The following EYA1 variants were observed in gnomAD, a reference collection of about 807,000 sequenced individuals.
The protein encoded by EYA1 is protein phosphatase EYA1.
A neutral mutation model predicts 82.0 loss-of-function variants in EYA1; 16 were observed. That is an observed-to-expected ratio of 0.20 (90% CI 0.13 to 0.30). The LOEUF (loss-of-function observed/expected upper bound fraction) is 0.30. Among genes scored for constraint, EYA1 ranks in the 10% least tolerant of loss-of-function variants. The pLI is 1.00. For synonymous variants in EYA1, 261 were observed against 264.4 expected (o/e 0.99, Z 0.12); for missense variants, 633 against 730.7 (o/e 0.87, Z 1.54).
At chr8:71,451,734 C>T (rs1807394484) in intron 2 of EYA1, among the ~76,000 whole-genome samples, 1 of 152,088 alleles carries the variant, frequency 6.6e-6, no homozygotes, top group African/African-American at 2.4e-5. Context: ...AATTTTTAGT[C>T]TTCCAATATC....
At chr8:71,368,911 G>A (rs575729194) in intron 2 of EYA1, among the ~76,000 whole-genome samples, 5 of 151,822 alleles carry the variant, frequency 3.3e-5, no homozygotes, top group East Asian at 1.9e-4. Flanking sequence ...TCTTAAGGCC[G>A]GGCGCGGTGG....
At chr8:71,226,564 G>T (rs1810580414) in intron 12 of EYA1, among the ~76,000 whole-genome samples, 1 of 150,544 alleles carries the variant, frequency 6.6e-6, no homozygotes, top group African/African-American at 2.4e-5. Context: ...AGAAAGAATT[G>T]AAAATAAACT....
chr8:71,365,332 C>T (rs1018934858), upstream of EYA1, among the ~76,000 whole-genome samples: 2 of 151,922 alleles, frequency 1.3e-5, no homozygotes, highest in Admixed American at 6.6e-5. Context: ...TTTGAAATAA[C>T]GTTAGAAGCA....
At chr8:71,327,289 C>A (rs1050881942) in intron 4 of EYA1, among the ~76,000 whole-genome samples, 1 of 152,138 alleles carries the variant, frequency 6.6e-6, no homozygotes, top group African/African-American at 2.4e-5. Flanking sequence ...GAAGGGTATA[C>A]CTTTTATGAA....
chr8:71,519,111 A>G (rs1419949878), intron 2 of EYA1, among the ~76,000 whole-genome samples: 1 of 152,178 alleles, frequency 6.6e-6, no homozygotes, highest in African/African-American at 2.4e-5. Flanking sequence ...ATGACAATGA[A>G]TATTAACGTA....
chr8:71,345,815 G>A (rs1161745239), intron 3 of EYA1, among the ~76,000 whole-genome samples: 1 of 152,078 alleles, frequency 6.6e-6, no homozygotes, highest in Non-Finnish European at 1.5e-5. Context: ...CTCCCTAAGT[G>A]CATTTCTAAA....
intron 11 of EYA1, among the ~76,000 whole-genome samples, chr8:71,266,039 G>A (rs1815759120): frequency 6.6e-6 from 1 of 152,160 alleles, no homozygotes; most frequent in Admixed American, 6.5e-5. Context: ...GCTGTAACAT[G>A]CCCTAATTTT....
At chr8:71,469,272 T>C (rs1431588718) in intron 2 of EYA1, among the ~76,000 whole-genome samples, 2 of 152,078 alleles carry the variant, frequency 1.3e-5, no homozygotes, top group East Asian at 1.9e-4. Flanking sequence ...TTTTATTCAG[T>C]TGGAGAAATG....
At chr8:71,233,155 T>C (rs1811396671) in intron 12 of EYA1, among the ~76,000 whole-genome samples, 1 of 152,228 alleles carries the variant, frequency 6.6e-6, no homozygotes, top group Non-Finnish European at 1.5e-5. Context: ...ATTTTCCTAA[T>C]TATAAGAAAC....
At chr8:71,254,989 AT>A (rs2128922631) in intron 11 of EYA1, among the ~76,000 whole-genome samples, 1 of 152,308 alleles carries the variant, frequency 6.6e-6, no homozygotes, top group African/African-American at 2.4e-5. Context: ...AAATGATTCC[AT>A]TTACAATAGC....
In EYA1 at chr8:71,527,066, C is replaced by G. The variant is rs140403761; in HGVS notation, c.33+8678G>C. Among the ~76,000 whole-genome samples, 7 of 152,254 alleles carry G rather than the reference C, an allele frequency of 4.6e-5. No homozygotes were observed. In the East Asian group the frequency reaches 1.4e-3, roughly 29 times the overall value. On this transcript the variant is annotated intron_variant, in intron 2 of 18. Coordinates refer to the EYA1 transcript ENST00000643681. Reference sequence around the variant, plus strand: ...CACAGAAATGTGGACATCAAAGAATCATTATCACATTAGAGCCAACATAAA... The same window carrying G: ...CACAGAAATGTGGACATCAAAGAATGATTATCACATTAGAGCCAACATAAA...
intron 4 of EYA1, among the ~76,000 whole-genome samples, chr8:71,323,742 G>A (rs555485282): frequency 1.7e-4 from 26 of 152,172 alleles, no homozygotes; most frequent in Non-Finnish European, 3.1e-4. Flanking sequence ...CTGCACGTGC[G>A]AAGGTGCAAA....
intron 2 of EYA1, among the ~76,000 whole-genome samples, chr8:71,396,531 G>A (rs921930491): frequency 6.6e-6 from 1 of 152,132 alleles, no homozygotes; most frequent in Non-Finnish European, 1.5e-5. Flanking sequence ...CTTTATTTCT[G>A]CCTTCATTTC....
rs1806480582 is a variant in EYA1 at position 71,198,164 on chromosome 8, A to T, written c.*1176T>A. 6.6e-6 allele frequency: 1 copy of T among 152,622 alleles called. No homozygotes were observed. The highest frequency in any genetic ancestry group is 2.4e-5 in the African/African-American group (1 of 41,452). The allele number at this position is 152,622 out of a possible 1,614,324, so 9.5% of individuals were successfully genotyped here. A position where few individuals can be genotyped will look rare whatever the true frequency, so the allele number is the denominator to read the frequency against. On this transcript the variant is annotated 3_prime_UTR_variant, in exon 18 of 18. Transcript: ENST00000340726. ...AACTTTGTTAGTCTCCGATTCATGA[A>T]CCATTTTATTAATAAAATATATCTA...
chr8:71,436,243 T>A (rs1466771170), intron 2 of EYA1, among the ~76,000 whole-genome samples: 2 of 152,116 alleles, frequency 1.3e-5, no homozygotes, highest in Non-Finnish European at 2.9e-5. Context: ...TCCCATTGAC[T>A]ACACAATGCA....
chr8:71,400,925 G>T (rs1436168387), intron 2 of EYA1, among the ~76,000 whole-genome samples: 1 of 152,136 alleles, frequency 6.6e-6, no homozygotes, highest in East Asian at 1.9e-4. Context: ...AGGAAATGTG[G>T]TACGTATACA....
chr8:71,519,062 T>G (rs1272614614), intron 2 of EYA1, among the ~76,000 whole-genome samples: 1 of 152,202 alleles, frequency 6.6e-6, no homozygotes, highest in Non-Finnish European at 1.5e-5. Flanking sequence ...TACTGCCAAT[T>G]TATTTTCTTC....
At chr8:71,207,849 A>AAAGAAG (rs770849743) in intron 17 of EYA1, among the ~76,000 whole-genome samples, 1 of 113,690 alleles carries the variant, frequency 8.8e-6, no homozygotes, top group African/African-American at 2.8e-5. Context: ...ACTTTTGTAC[A>AAAGAAG]AAGAAGGATT....
intron 6 of EYA1, among the ~76,000 whole-genome samples, chr8:71,319,516 A>T (rs1822296786): frequency 6.6e-6 from 1 of 152,150 alleles, no homozygotes; most frequent in African/African-American, 2.4e-5. Flanking sequence ...AGGCAGAAAG[A>T]GGTAGAAAGC....
Sources: allele counts gnomAD v4.1 joint callset (sites outside exome capture counted in the v4.1 genomes callset), GRCh38; gene constraint gnomAD v4.1.1; transcripts MANE v1.5; gene names NCBI Gene and HGNC (gene_info 2026-07-23, HGNC 2026-07-21).